Variants in NOD1 observed in about 807,000 individuals in gnomAD.
NOD1 encodes nucleotide binding oligomerization domain containing 1.
Under a neutral mutation model 81.2 loss-of-function variants are expected in NOD1, and 70 were observed. The observed-to-expected ratio is 0.86, with a 90% CI of 0.71 to 1.05. The LOEUF is 1.05. Among genes scored for constraint, NOD1 ranks in the 50% least tolerant of loss-of-function variants. NOD1 has a pLI of 0.00. For missense variants in NOD1, 1,233 were observed against 1,228.0 expected, an observed-to-expected ratio of 1.00 and a Z score of -0.06; for synonymous variants, 508 against 526.9, an observed-to-expected ratio of 0.96 and a Z score of 0.49.
In NOD1 at chr7:30,447,037, G is replaced by A. The variant is rs1785175789; in HGVS notation, c.2299C>T (p.Gln767Ter). 3 of 1,614,076 alleles carry A rather than the reference G, an allele frequency of 1.9e-6. No individual in the cohort carries two copies. The highest frequency in any genetic ancestry group is 2.5e-6 in the Non-Finnish European group (3 of 1,179,914). Residue 767 changes from glutamine (Q) to a stop codon, truncating the protein, a stop_gained, in exon 8 of 14, where the codon CAG (glutamine) becomes TAG (stop). Transcript: ENST00000222823. LOFTEE classifies it high-confidence loss of function. Reference sequence around the variant, plus strand: ...TACCTGGCTCCGACATCGGTGATCTGGTTGTTGTATAAACTTCAAGAGAAA... The same window carrying A: ...TACCTGGCTCCGACATCGGTGATCTAGTTGTTGTATAAACTTCAAGAGAAA... Reference protein sequence around the residue: ...IVTYLGLYNNQITDVGARYVT... With the variant: ...IVTYLGLYNN
At chr7:30,432,989 C>G (rs1784072276) in intron 12 of NOD1, 107 bp downstream of exon 12, 1 of 836,022 alleles carries the variant, frequency 1.2e-6, no homozygotes, top group Non-Finnish European at 1.9e-6. Context: ...CTAAAAACCT[C>G]TGAATTGTAT....
intron 1 of NOD1, among the ~76,000 whole-genome samples, chr7:30,477,169 T>C (rs1343256383): frequency 6.6e-6 from 1 of 152,232 alleles, no homozygotes; most frequent in Non-Finnish European, 1.5e-5. Flanking sequence ...CGTGAACTTA[T>C]TTCTCCACTC....
rs759354279 is a variant in NOD1 at position 30,452,978 on chromosome 7, A to C, written c.439T>G (p.Tyr147Asp). Residue 147 changes from tyrosine (Y) to aspartate (D), a missense_variant, in exon 6 of 14, where the codon TAT becomes GAT. Coordinates refer to ENST00000222823, the MANE Select transcript of NOD1 (RefSeq NM_006092.4). ...AGCAGCAGCTCCTCCTTCTGGGCAT[A>C]GCACAGCACGAACTTGGAGTCACGG... ...LGRDSKFVLCYAQKEELLLEE... is the reference protein window; with the variant it reads ...LGRDSKFVLCDAQKEELLLEE... 3 of 1,613,816 alleles carry C rather than the reference A, an allele frequency of 1.9e-6. No individual in the cohort carries two copies. The African/African-American group carries it at 4.0e-5, about 22-fold the overall frequency.
chr7:30,449,665 G>C (rs1785476186), intron 6 of NOD1, among the ~76,000 whole-genome samples: 1 of 152,216 alleles, frequency 6.6e-6, no homozygotes, highest in African/African-American at 2.4e-5. Context: ...CCTACCTCTA[G>C]ACTTTTACAT....
rs761872372 is a variant in NOD1 at position 30,452,321 on chromosome 7, G to A, written c.1096C>T (p.Pro366Ser). The A allele has an allele frequency of 2.4e-5, 39 of 1,613,330 alleles. 2 individuals carry two copies. The South Asian group carries it at 4.3e-4, about 18-fold the overall frequency. The stretch of plus-strand genomic sequence containing the variant: ...AGGCGGTCCTGCAGGGCCCGCTCGG[G>A]GAACATCCTCCTGGCATAGGCGCGC... Reference protein sequence around the residue: ...HLRAYARRMFPERALQDRLLS... With the variant: ...HLRAYARRMFSERALQDRLLS... The change falls in exon 6 of 14, where the codon CCC becomes TCC. Residue 366 changes from proline to serine, a missense_variant. Pro to Ser is a moderately conservative substitution (Grantham distance 74). Coordinates refer to ENST00000222823, the MANE Select transcript of NOD1 (RefSeq NM_006092.4).
At chr7:30,457,403 A>G (rs1786496344) in intron 3 of NOD1, among the ~76,000 whole-genome samples, 1 of 152,136 alleles carries the variant, frequency 6.6e-6, no homozygotes, top group Non-Finnish European at 1.5e-5. Context: ...GTGAACGATG[A>G]TCACACCACT....
chr7:30,469,371 C>A (rs1788033892), intron 1 of NOD1, among the ~76,000 whole-genome samples: 1 of 152,172 alleles, frequency 6.6e-6, no homozygotes. Flanking sequence ...CTCCCGGAAT[C>A]ACCTCTCTCT....
chr7:30,433,067 G>C (rs376543587), intron 12 of NOD1, 29 bp downstream of exon 12: 3 of 1,499,940 alleles, frequency 2.0e-6, no homozygotes, highest in Non-Finnish European at 2.8e-6. Context: ...AAGTAGCACA[G>C]TCTGAAATTG....
chr7:30,452,390 G>C lies in NOD1; in HGVS notation c.1027C>G (p.Leu343Val). The C allele has an allele frequency of 6.2e-7, 1 of 1,613,362 alleles. No homozygotes were observed. The highest frequency in any genetic ancestry group is 2.2e-5 in the East Asian group (1 of 44,884). The change falls in exon 6 of 14, where the codon CTG becomes GTG. Residue 343 changes from leucine to valine, a missense_variant. Physicochemically the swap from Leu to Val is conservative, Grantham distance 32 (BLOSUM62 1). Transcript: ENST00000222823. The part of the protein sequence containing the change: ...RTGIEVPRQF[L>V]RKKVLLRGFS... ...CCCCGGAGAAGCACCTTCTTCCGCAGGAACTGGCGCGGGACCTCGATGCCT... is the reference window on the plus strand; with the variant it reads ...CCCCGGAGAAGCACCTTCTTCCGCACGAACTGGCGCGGGACCTCGATGCCT...
In NOD1 at chr7:30,448,372, T is replaced by G; in HGVS notation, c.2211A>C (p.Val737=). 1.2e-6 allele frequency: 2 copies of G among 1,614,072 alleles called. No homozygotes were observed. Among genetic ancestry groups the G allele is most frequent in the Non-Finnish European group, 1.7e-6 (2 of 1,179,910 alleles). The change falls in exon 7 of 14, where the codon GTA becomes GTC. Residue 737 remains valine, a synonymous_variant. Coordinates refer to ENST00000222823, the MANE Select transcript of NOD1 (RefSeq NM_006092.4). ...FSRLTVLRLS[V]NQITDGGVKV... is the part of the protein sequence containing the mutation. Reference sequence around the variant, plus strand: ...TTACCCCACCGTCAGTGATCTGGTTTACGCTGAGTCTGAAATAAAACAGCA... The same window carrying G: ...TTACCCCACCGTCAGTGATCTGGTTGACGCTGAGTCTGAAATAAAACAGCA...
rs984301016 is a variant in NOD1 at position 30,462,696 on chromosome 7, C to T, written c.-351-2655G>A. ...GGGTGCAGTGGCTCACGCTTGTAAT[C>T]CTAGCACTTTGGGAGGCCAAGGCAG... On this transcript the variant is annotated intron_variant, in intron 1 of 13. Coordinates refer to ENST00000222823, the MANE Select transcript of NOD1 (RefSeq NM_006092.4). 3.3e-5 allele frequency among the ~76,000 whole-genome samples: 5 copies of T among 152,210 alleles called. No homozygotes were observed. In the East Asian group the frequency reaches 9.6e-4, roughly 29 times the overall value.
At chr7:30,432,758 G>T (rs1026726808) in intron 12 of NOD1, among the ~76,000 whole-genome samples, 4 of 152,174 alleles carry the variant, frequency 2.6e-5, no homozygotes, top group Non-Finnish European at 5.9e-5. Context: ...GCCATAAAAA[G>T]GAATGAAACA....
At chr7:30,446,466 A>G in intron 8 of NOD1, 1 of 533,662 alleles carries the variant, frequency 1.9e-6, no homozygotes, top group Non-Finnish European at 3.4e-6. Context: ...CAGGGACCTG[A>G]GCCCTCCCTG....
intron 10 of NOD1, 123 bp downstream of exon 10, chr7:30,437,450 A>G: frequency 1.8e-6 from 1 of 550,480 alleles, no homozygotes; most frequent in Non-Finnish European, 3.0e-6. Flanking sequence ...GTTTGACAAG[A>G]GTAAGGAAAA....
At chr7:30,449,515 G>C (rs1305420569) in intron 6 of NOD1, among the ~76,000 whole-genome samples, 1 of 152,174 alleles carries the variant, frequency 6.6e-6, no homozygotes, top group Non-Finnish European at 1.5e-5. Context: ...GATAGCTAGA[G>C]TGTCGACTAG....
At chr7:30,463,747 A>T (rs1558068) in intron 1 of NOD1, 68,918 of 152,134 alleles carry the variant, frequency 0.45, 16,620 homozygotes, top group African/African-American at 0.62. Context: ...CTCCACATGT[A>T]CCTTTCTATG....
At chr7:30,458,685 T>C (rs1786664903) in intron 3 of NOD1, among the ~76,000 whole-genome samples, 1 of 151,852 alleles carries the variant, frequency 6.6e-6, no homozygotes, top group East Asian at 1.9e-4. Context: ...TTTAAAGGTA[T>C]GAAAATATTA....
At chr7:30,454,272 G>C (rs1261595303) in intron 5 of NOD1, among the ~76,000 whole-genome samples, 1 of 152,244 alleles carries the variant, frequency 6.6e-6, no homozygotes, top group African/African-American at 2.4e-5. Context: ...GTCTCAAAGT[G>C]GAGAGTTCAA....
rs1279808362 is a variant in NOD1, at chr7:30,452,552, G to C, written c.865C>G (p.Leu289Val). ...ALFTFDGLDE[L>V]HSDLDLSRVP... ...CGGCTCAGGTCCAAGTCCGAGTGCAGCTCGTCCAGGCCATCGAAGGTGAAG... is the reference window on the plus strand; with the variant it reads ...CGGCTCAGGTCCAAGTCCGAGTGCACCTCGTCCAGGCCATCGAAGGTGAAG... Residue 289 changes from leucine to valine, a missense_variant, in exon 6 of 14, where the codon CTG becomes GTG. Transcript: ENST00000222823. 2 of 1,613,142 alleles carry C rather than the reference G, an allele frequency of 1.2e-6. No homozygotes were observed. Among genetic ancestry groups the C allele is most frequent in the Non-Finnish European group, 1.7e-6 (2 of 1,179,978 alleles).
Sources: gnomAD v4.1 joint callset for allele counts (sites outside exome capture counted in the v4.1 genomes callset) on GRCh38, gnomAD v4.1.1 for gene constraint, MANE v1.5 for transcripts, NCBI Gene and HGNC (gene_info 2026-07-23, HGNC 2026-07-21) for gene names.